REPS2: variants seen among roughly 807,000 people sequenced by gnomAD.
REPS2 encodes the protein RALBP1 associated Eps domain containing 2.
Under a neutral mutation model 53.6 loss-of-function variants are expected in REPS2, and 23 were observed. The ratio of observed to expected loss-of-function variants is 0.43; its 90% CI spans 0.31 to 0.61. The LOEUF (loss-of-function observed/expected upper bound fraction) is 0.61. Ranked by LOEUF, REPS2 falls within the 20% of genes least tolerant of loss-of-function variation. The pLI is 0.11. For missense variants in REPS2, 446 were observed against 534.9 expected, an observed-to-expected ratio of 0.83 and a Z score of 1.64; for synonymous variants, 238 against 218.6, an observed-to-expected ratio of 1.09 and a Z score of -0.78.
At chrX:17,108,484 T>C (rs1205135379) in intron 14 of REPS2, among the ~76,000 whole-genome samples, 2 of 111,714 alleles carry the variant, frequency 1.8e-5, no homozygotes, top group Non-Finnish European at 3.8e-5. Context: ...TTTGTGTTTA[T>C]TCTGTAGGTC....
chrX:17,044,824 AG>A (rs1417352631), intron 5 of REPS2, among the ~76,000 whole-genome samples: 1 of 112,193 alleles, frequency 8.9e-6, no homozygotes, highest in Non-Finnish European at 1.9e-5. Flanking sequence ...GGGCTCATTC[AG>A]GAAGTGCTGC....
At chrX:17,033,039 A>G (rs1181872822) in intron 5 of REPS2, among the ~76,000 whole-genome samples, 2 of 112,228 alleles carry the variant, frequency 1.8e-5, no homozygotes, top group Non-Finnish European at 3.8e-5. Context: ...TTCACAAATT[A>G]CCCTCAACAT....
chrX:17,024,347 C>T (rs2061612182), intron 3 of REPS2, among the ~76,000 whole-genome samples: 1 of 102,666 alleles, frequency 9.7e-6, no homozygotes, highest in Non-Finnish European at 2.0e-5. Flanking sequence ...TCCAAAGTTA[C>T]CAGTCTACTA....
intron 13 of REPS2, among the ~76,000 whole-genome samples, chrX:17,079,277 G>T (rs947426412): frequency 9.0e-6 from 1 of 111,723 alleles, no homozygotes; most frequent in Non-Finnish European, 1.9e-5. Context: ...CAAGTATCAA[G>T]AATTTAATGC....
At chrX:17,017,961 G>A (rs748552426) in intron 2 of REPS2, among the ~76,000 whole-genome samples, 1 of 111,492 alleles carries the variant, frequency 9.0e-6, no homozygotes, top group East Asian at 2.8e-4. Context: ...TGATAATATT[G>A]GGTTAAATTA....
chrX:17,091,510 A>G (rs2062615954), intron 13 of REPS2, among the ~76,000 whole-genome samples: 3 of 112,035 alleles, frequency 2.7e-5, no homozygotes, highest in Admixed American at 1.9e-4. Context: ...AAAGAATCAG[A>G]TTTTATCTCA....
intron 2 of REPS2, among the ~76,000 whole-genome samples, chrX:17,017,686 A>T (rs778824556): frequency 1.8e-5 from 2 of 112,243 alleles, no homozygotes; most frequent in South Asian, 7.3e-4. Context: ...GCTTACATTT[A>T]ACATTGTAAT....
At chrX:17,060,334 A>T (rs2062142490) in intron 8 of REPS2, among the ~76,000 whole-genome samples, 1 of 111,256 alleles carries the variant, frequency 9.0e-6, no homozygotes, top group African/African-American at 3.3e-5. Context: ...TAAAAAAATA[A>T]AAAAAGTCAC....
rs201559603 is a variant in REPS2, at chrX:17,056,649, C to T, written c.1114+1699C>T. Among the ~76,000 whole-genome samples, 67 of 109,182 alleles carry T rather than the reference C, an allele frequency of 6.1e-4. No individual in the cohort carries two copies. The East Asian group carries it at 0.014, about 24-fold the overall frequency. The allele number at this position is 109,182 out of a possible 115,157, so 94.8% of individuals were successfully genotyped here. On this transcript the variant is annotated intron_variant, in intron 8 of 17. Coordinates refer to ENST00000357277, the MANE Select transcript of REPS2 (RefSeq NM_004726.3). ...GGCGGAGCTTGCAGTGAGCCGAGATCGCGCCACTGCACTCCAGCCTGGGAG... is the reference window on the plus strand; with the variant it reads ...GGCGGAGCTTGCAGTGAGCCGAGATTGCGCCACTGCACTCCAGCCTGGGAG...
Position 16,946,848 on chromosome X carries a change from C to T in REPS2, c.-14C>T. 1.3e-6 allele frequency: 1 copy of T among 758,864 alleles called. No individual in the cohort carries two copies. The allele number at this position is 758,864 out of a possible 1,213,427, so 62.5% of individuals were successfully genotyped here. On this transcript the variant is annotated 5_prime_UTR_variant, in exon 1 of 18. Transcript: ENST00000357277. ...GCTAGGGACAGGGCTCCGCCGCGCC[C>T]CCTTGCTGGCCCCATGGAGGCGGCA...
At chrX:17,165,071 ACACT>A in the REPS2 span, among the ~76,000 whole-genome samples, 2 of 110,754 alleles carry the variant, frequency 1.8e-5, no homozygotes, top group East Asian at 2.8e-4. Flanking sequence ...ACATACACAC[ACACT>A]CACACACCAC....
the REPS2 span, among the ~76,000 whole-genome samples, chrX:17,184,542 C>T: frequency 5.8e-4 from 63 of 108,125 alleles, no homozygotes; most frequent in Middle Eastern, 4.7e-3. Context: ...GGGTATATAC[C>T]CAGTAATGGG....
intron 13 of REPS2, among the ~76,000 whole-genome samples, chrX:17,093,636 A>C (rs1453638653): frequency 9.0e-6 from 1 of 110,582 alleles, no homozygotes; most frequent in Non-Finnish European, 1.9e-5. Flanking sequence ...CTTCTTGTAG[A>C]CTTCAATTTT....
intron 14 of REPS2, among the ~76,000 whole-genome samples, chrX:17,133,281 CT>C (rs1363017591): frequency 4.5e-5 from 5 of 111,562 alleles, no homozygotes; most frequent in Non-Finnish European, 9.4e-5. Context: ...CAGCCTTTCT[CT>C]TGGGCATGGT....
chrX:17,105,973 G>C (rs928505757), intron 14 of REPS2, among the ~76,000 whole-genome samples: 1 of 111,880 alleles, frequency 8.9e-6, no homozygotes, highest in African/African-American at 3.2e-5. Flanking sequence ...CTGTGGTACA[G>C]ATTTGCAGAC....
At chrX:16,993,251 G>A (rs1016932304) in intron 1 of REPS2, among the ~76,000 whole-genome samples, 2 of 112,117 alleles carry the variant, frequency 1.8e-5, no homozygotes, top group African/African-American at 6.5e-5. Flanking sequence ...GACTTCCCTA[G>A]TGTTATCTGT....
At chrX:17,153,491 G>A (rs1013005314), downstream of REPS2, among the ~76,000 whole-genome samples, 12 of 111,641 alleles carry the variant, frequency 1.1e-4, no homozygotes, top group Admixed American at 3.8e-4. Context: ...GACTCACAGT[G>A]CATTTTAAAG....
chrX:16,986,379 C>T (rs972170337), intron 1 of REPS2, among the ~76,000 whole-genome samples: 1 of 112,059 alleles, frequency 8.9e-6, no homozygotes, highest in African/African-American at 3.2e-5. Flanking sequence ...GGAAGTTTCC[C>T]AGTTCTCTTA....
chrX:17,065,996 T>A (rs1356158510), intron 9 of REPS2, among the ~76,000 whole-genome samples: 1 of 112,061 alleles, frequency 8.9e-6, no homozygotes, highest in Non-Finnish European at 1.9e-5. Flanking sequence ...GTATGTGGAT[T>A]TCTAGTCGTC....
Sources: gnomAD v4.1 joint callset for allele counts (sites outside exome capture counted in the v4.1 genomes callset) on GRCh38, gnomAD v4.1.1 for gene constraint, MANE v1.5 for transcripts, NCBI Gene and HGNC (gene_info 2026-07-23, HGNC 2026-07-21) for gene names.